EGFLAM: variants seen among roughly 807,000 people sequenced by gnomAD.
EGFLAM encodes EGF like, fibronectin type III and laminin G domains.
Under a neutral mutation model 113.1 loss-of-function variants are expected in EGFLAM, and 79 were observed. The ratio of observed to expected loss-of-function variants is 0.70; its 90% CI spans 0.58 to 0.84. The LOEUF is 0.84. EGFLAM is among the 40% of genes least tolerant of loss of function. The probability of loss-of-function intolerance (pLI) is 0.00; values close to 1 mark genes in which losing one functional copy is unlikely to be tolerated. For missense variants in EGFLAM, 1,265 were observed against 1,291.6 expected (o/e 0.98, Z 0.32); for synonymous variants, 504 against 487.6 (o/e 1.03, Z -0.44).
chr5:38,437,609 T>TGGGTCTGGGC (rs1257776330), intron 16 of EGFLAM, among the ~76,000 whole-genome samples: 1 of 152,164 alleles, frequency 6.6e-6, no homozygotes, highest in Non-Finnish European at 1.5e-5. Flanking sequence ...TCTGGTTCAA[T>TGGGTCTGGGC]GGGTCTGGGC....
intron 17 of EGFLAM, among the ~76,000 whole-genome samples, chr5:38,443,460 C>G (rs2914344): frequency 0.28 from 42,654 of 152,006 alleles, 9,775 homozygotes; most frequent in African/African-American, 0.63. Context: ...ATAGATGTTG[C>G]TCTTTAGATA....
chr5:38,276,147 G>A (rs983678692), intron 1 of EGFLAM, among the ~76,000 whole-genome samples: 12 of 152,196 alleles, frequency 7.9e-5, no homozygotes, highest in Non-Finnish European at 8.8e-5. Flanking sequence ...TATGGATGGC[G>A]GCAGTCAAAA....
chr5:38,383,094 G>C (rs1472283370), intron 6 of EGFLAM, among the ~76,000 whole-genome samples: 2 of 152,198 alleles, frequency 1.3e-5, no homozygotes, highest in Non-Finnish European at 2.9e-5. Flanking sequence ...TTGACCTTGA[G>C]AGCAGCTCCA....
chr5:38,305,007 T>G lies in EGFLAM; in HGVS notation c.98-32513T>G, dbSNP rs372338118. ...ATTAAAAGGAAATTTGGAGAAATCT[T>G]TTGGAAAGTAGAACAAAAAAATAAA... On this transcript the variant is annotated intron_variant, in intron 1 of 21. Transcript: ENST00000322350. Among the ~76,000 whole-genome samples, 9 of 151,988 alleles carry G rather than the reference T, an allele frequency of 5.9e-5. No individual in the cohort carries two copies. In the East Asian group the frequency reaches 1.7e-3, roughly 29 times the overall value.
intron 18 of EGFLAM, among the ~76,000 whole-genome samples, chr5:38,449,554 G>A (rs1364867209): frequency 2.6e-5 from 4 of 152,188 alleles, no homozygotes; most frequent in African/African-American, 7.2e-5. Context: ...CTGGGGGTTA[G>A]TGAGAGACCA....
At chr5:38,380,315 A>G (rs1203259081) in intron 6 of EGFLAM, among the ~76,000 whole-genome samples, 1 of 152,218 alleles carries the variant, frequency 6.6e-6, no homozygotes, top group African/African-American at 2.4e-5. Context: ...ATTAGCACAT[A>G]CTAATGAACT....
intron 13 of EGFLAM, among the ~76,000 whole-genome samples, chr5:38,426,564 C>T (rs1742016088): frequency 6.6e-6 from 1 of 152,156 alleles, no homozygotes; most frequent in Non-Finnish European, 1.5e-5. Context: ...TAAGCCAATG[C>T]TGTTACATAC....
chr5:38,315,125 A>T (rs1347961399), intron 1 of EGFLAM, among the ~76,000 whole-genome samples: 1 of 152,236 alleles, frequency 6.6e-6, no homozygotes, highest in Non-Finnish European at 1.5e-5. Context: ...AAGAAGGTGC[A>T]TCCAGGATGA....
chr5:38,294,899 C>T (rs1052668094), intron 1 of EGFLAM, among the ~76,000 whole-genome samples: 4 of 152,140 alleles, frequency 2.6e-5, no homozygotes, highest in African/African-American at 7.2e-5. Flanking sequence ...AGTCTCGGCT[C>T]ACCACAACCT....
chr5:38,279,039 TA>T (rs1197834233), intron 1 of EGFLAM, among the ~76,000 whole-genome samples: 1 of 151,834 alleles, frequency 6.6e-6, no homozygotes, highest in Non-Finnish European at 1.5e-5. Flanking sequence ...ATAACACAAT[TA>T]AAAAGTAGGC....
chr5:38,291,569 G>A lies in EGFLAM; in HGVS notation c.97+32718G>A, dbSNP rs78940952. The stretch of plus-strand genomic sequence containing the variant: ...GTCTCCACGTGTCTTATCTGGAAAT[G>A]TGTACCTGTCATTATTCCCATTAGA... On this transcript the variant is annotated intron_variant, in intron 1 of 21. Coordinates refer to ENST00000322350, the MANE Select transcript of EGFLAM (RefSeq NM_152403.4). Among the ~76,000 whole-genome samples, 15 of 152,340 alleles carry A rather than the reference G, an allele frequency of 9.8e-5. 1 individual carries two copies. In the East Asian group the frequency reaches 1.5e-3, roughly 16 times the overall value.
At chr5:38,317,998 C>T (rs1451256945) in intron 1 of EGFLAM, among the ~76,000 whole-genome samples, 1 of 152,094 alleles carries the variant, frequency 6.6e-6, no homozygotes, top group East Asian at 1.9e-4. Flanking sequence ...GGTGTTCTCA[C>T]CCATGAGTTA....
At chr5:38,458,190 T>C (rs1009439556) in intron 19 of EGFLAM, 121 bp from the exon 20 acceptor site, 5 of 797,760 alleles carry the variant, frequency 6.3e-6, no homozygotes, top group Non-Finnish European at 9.6e-6. Context: ...TTGTTTTTTG[T>C]TAAGGAAACT....
Position 38,309,538 on chromosome 5 carries a change from C to T in EGFLAM, c.98-27982C>T, listed in dbSNP as rs72739036. ...AGCCTGTGGTGTGAATTGCTCTGCC[C>T]TCTCTCTCCTTTTCTGTTTTTTGAG... is the stretch of plus-strand genomic sequence containing the variant. On this transcript the variant is annotated intron_variant, in intron 1 of 21. Coordinates refer to ENST00000322350, the MANE Select transcript of EGFLAM (RefSeq NM_152403.4). 5.2e-3 allele frequency among the ~76,000 whole-genome samples: 796 copies of T among 152,230 alleles called. 2 individuals are homozygous for T. Among genetic ancestry groups the T allele is most frequent in the Non-Finnish European group, 9.6e-3 (653 of 68,008 alleles).
Position 38,350,552 on chromosome 5 carries a change from G to A in EGFLAM, c.343G>A (p.Ala115Thr). 1 of 1,614,088 alleles carries A rather than the reference G, an allele frequency of 6.2e-7. No individual in the cohort carries two copies. Among genetic ancestry groups the A allele is most frequent in the Non-Finnish European group, 8.5e-7 (1 of 1,179,972 alleles). ...KPGTEYRVSI[A>T]AYSQAGKGRL... ...AGGCACTGAATATCGTGTGAGCATA[G>A]CAGCTTACAGCCAGGCTGGCAAAGG... The change falls in exon 4 of 22, where the codon GCA becomes ACA. Residue 115 changes from alanine (A) to threonine (T), a missense_variant. Transcript: ENST00000322350.
At chr5:38,336,845 C>CT (rs1435780513) in intron 1 of EGFLAM, among the ~76,000 whole-genome samples, 5 of 152,056 alleles carry the variant, frequency 3.3e-5, no homozygotes, top group South Asian at 4.2e-4. Context: ...CACACAAACA[C>CT]TTTTTTTTAA....
intron 17 of EGFLAM, among the ~76,000 whole-genome samples, chr5:38,439,367 C>A (rs1742459604): frequency 6.6e-6 from 1 of 151,132 alleles, no homozygotes; most frequent in Admixed American, 6.6e-5. Context: ...TTCAGTGTGG[C>A]CTTTCCTGCC....
intron 17 of EGFLAM, 114 bp downstream of exon 17, chr5:38,438,569 G>T (rs763848187): frequency 9.8e-5 from 101 of 1,030,896 alleles, no homozygotes; most frequent in Non-Finnish European, 1.2e-4. Flanking sequence ...AACCATAGTG[G>T]TTATTTTGAT....
At chr5:38,421,731 G>T (rs778943027) in intron 12 of EGFLAM, among the ~76,000 whole-genome samples, 28 of 152,214 alleles carry the variant, frequency 1.8e-4, no homozygotes, top group Non-Finnish European at 3.1e-4. Flanking sequence ...TAGGGAGGTT[G>T]TAGGGTCTGG....
Sources: allele counts gnomAD v4.1 joint callset (sites outside exome capture counted in the v4.1 genomes callset), GRCh38; gene constraint gnomAD v4.1.1; transcripts MANE v1.5; gene names NCBI Gene and HGNC (gene_info 2026-07-23, HGNC 2026-07-21).